Variants in GRIN2B observed in about 807,000 individuals in gnomAD.
GRIN2B encodes the protein glutamate receptor ionotropic, NMDA 2B.
In GRIN2B, 5 loss-of-function variants were observed where a neutral mutation model predicts 114.5. The ratio of observed to expected loss-of-function variants is 0.04; its 90% confidence interval spans 0.02 to 0.09. GRIN2B has a LOEUF of 0.09. Ranked by LOEUF, GRIN2B falls within the 10% of genes least tolerant of loss-of-function variation. The pLI is 1.00. For synonymous variants in GRIN2B, 787 were observed against 745.1 expected (o/e 1.06, Z -0.92); for missense variants, 1,108 against 1,943.5 (o/e 0.57, Z 8.08).
intron 2 of GRIN2B, among the ~76,000 whole-genome samples, chr12:13,905,914 GTTATTTCTGGTTCTGAGAGTCCAGC>G (rs1320024999): frequency 1.3e-5 from 2 of 152,134 alleles, no homozygotes; most frequent in African/African-American, 4.8e-5. Flanking sequence ...ATAATCACAG[GTTATTTCTGGTTCTGAGAGTCCAGC>G]TTAATATGGG....
chr12:13,955,602 G>T (rs530498777), intron 2 of GRIN2B, among the ~76,000 whole-genome samples: 1 of 152,256 alleles, frequency 6.6e-6, no homozygotes, highest in African/African-American at 2.4e-5. Context: ...GCTAAAGTCA[G>T]TTATGCATCC....
At chr12:13,568,068 G>C (rs566890952) in intron 12 of GRIN2B, among the ~76,000 whole-genome samples, 1 of 152,086 alleles carries the variant, frequency 6.6e-6, no homozygotes, top group Admixed American at 6.6e-5. Context: ...AGAAAATAAA[G>C]AGCAAAGAGG....
At chr12:13,643,119 A>G (rs1378440026) in intron 5 of GRIN2B, among the ~76,000 whole-genome samples, 1 of 152,318 alleles carries the variant, frequency 6.6e-6, no homozygotes, top group East Asian at 1.9e-4. Context: ...GGAAATGTGT[A>G]AATAATTTTC....
At chr12:13,579,935 G>A (rs1948824586) in intron 10 of GRIN2B, among the ~76,000 whole-genome samples, 1 of 152,194 alleles carries the variant, frequency 6.6e-6, no homozygotes, top group Non-Finnish European at 1.5e-5. Flanking sequence ...GGGTGGCGAT[G>A]GGGCGTTAAC....
At chr12:13,927,948 C>G (rs1412426598) in intron 2 of GRIN2B, among the ~76,000 whole-genome samples, 1 of 83,728 alleles carries the variant, frequency 1.2e-5, no homozygotes, top group Non-Finnish European at 2.3e-5. Context: ...GCCTGGGAAA[C>G]AGAGCAAGAC....
intron 2 of GRIN2B, among the ~76,000 whole-genome samples, chr12:13,882,289 G>T (rs1565573948): frequency 6.6e-6 from 1 of 152,182 alleles, no homozygotes; most frequent in Non-Finnish European, 1.5e-5. Context: ...TGGAACTCTG[G>T]CAGAGGACTA....
chr12:13,562,174 C>A lies in GRIN2B; in HGVS notation c.*609G>T, dbSNP rs1456611516. ...CTTTTGTTCTGTTCACCACCACTAT[C>A]GAGTCTCATGGGGTTGAAGCAAGCA... On this transcript the variant is annotated 3_prime_UTR_variant, in exon 14 of 14. Transcript: ENST00000609686. 1 of 153,780 alleles carries A rather than the reference C, an allele frequency of 6.5e-6. No individual in the cohort carries two copies. The highest frequency in any genetic ancestry group is 1.9e-4 in the East Asian group (1 of 5,196). The allele number at this position is 153,780 out of a possible 1,614,324, so 9.5% of individuals were successfully genotyped here. A position where few individuals can be genotyped will look rare whatever the true frequency, so the allele number is the denominator to read the frequency against.
At chr12:13,583,484 A>C (rs1482921935) in intron 10 of GRIN2B, among the ~76,000 whole-genome samples, 1 of 152,232 alleles carries the variant, frequency 6.6e-6, no homozygotes, top group East Asian at 1.9e-4. Context: ...TAACTGTAAA[A>C]CACACCACAG....
intron 5 of GRIN2B, among the ~76,000 whole-genome samples, chr12:13,627,846 G>A (rs984111839): frequency 3.3e-5 from 5 of 152,202 alleles, no homozygotes; most frequent in African/African-American, 1.2e-4. Context: ...GCCAGACCCT[G>A]CTGCTAGGTG....
chr12:13,979,065 C>T (rs1273988473), intron 2 of GRIN2B, among the ~76,000 whole-genome samples: 1 of 152,156 alleles, frequency 6.6e-6, no homozygotes, highest in Non-Finnish European at 1.5e-5. Context: ...CTTCCACATG[C>T]ACAGCATTTT....
Position 13,618,870 on chromosome 12 carries a change from G to GA in GRIN2B, c.1126-2214dup, listed in dbSNP as rs375284706. Among the ~76,000 whole-genome samples, 998 of 152,090 alleles carry GA rather than the reference G, an allele frequency of 6.6e-3. 11 individuals are homozygous for GA. The highest frequency in any genetic ancestry group is 0.022 in the African/African-American group (931 of 41,506). On this transcript the variant is annotated intron_variant, in intron 5 of 13. Coordinates refer to ENST00000609686, the MANE Select transcript of GRIN2B (RefSeq NM_000834.5). Reference sequence around the variant, plus strand: ...TCTAATAGACTTACTATATCTGTGGGAAAAAATGCTACAGACATAACATTT... The same window carrying GA: ...TCTAATAGACTTACTATATCTGTGGGAAAAAAATGCTACAGACATAACATTT...
At chr12:13,953,662 T>C (rs1867536583) in intron 2 of GRIN2B, among the ~76,000 whole-genome samples, 1 of 152,080 alleles carries the variant, frequency 6.6e-6, no homozygotes, top group Non-Finnish European at 1.5e-5. Context: ...GTCAGCATCT[T>C]CCCAGGAGCT....
intron 2 of GRIN2B, among the ~76,000 whole-genome samples, chr12:13,965,975 T>C (rs1867784582): frequency 6.6e-6 from 1 of 152,212 alleles, no homozygotes; most frequent in Non-Finnish European, 1.5e-5. Context: ...CTTTCTCATC[T>C]AGGAGAGCAA....
intron 3 of GRIN2B, among the ~76,000 whole-genome samples, chr12:13,783,500 T>G (rs911375095): frequency 7.0e-6 from 1 of 142,610 alleles, no homozygotes; most frequent in Non-Finnish European, 1.5e-5. Context: ...CCACCTTTGT[T>G]CCAAGCAATA....
rs187762551 is a variant in GRIN2B, at chr12:13,546,467, A to T, written c.*16316T>A. On this transcript the variant is annotated 3_prime_UTR_variant, in exon 14 of 14. Coordinates refer to ENST00000609686, the MANE Select transcript of GRIN2B (RefSeq NM_000834.5). ...AATCTCTGAGGGAATACACCAGAGC[A>T]TCTGGATGTGGGTGTCATCGTCTCT... The T allele has an allele frequency of 7.9e-5, 12 of 152,354 alleles. No individual in the cohort carries two copies. In the East Asian group the frequency reaches 2.3e-3, roughly 29 times the overall value. 9.4% of individuals were successfully genotyped at this position (152,354 alleles called of 1,614,324 possible).
At chr12:13,751,604 T>G (rs1863484832) in intron 4 of GRIN2B, among the ~76,000 whole-genome samples, 1 of 152,050 alleles carries the variant, frequency 6.6e-6, no homozygotes, top group African/African-American at 2.4e-5. Flanking sequence ...AATACATCAT[T>G]GACAGGCAGT....
chr12:13,805,382 A>C (rs930438595), intron 3 of GRIN2B, among the ~76,000 whole-genome samples: 5 of 152,184 alleles, frequency 3.3e-5, no homozygotes, highest in African/African-American at 1.2e-4. Flanking sequence ...AAAAGCCTGA[A>C]GGTCAAAATT....
chr12:13,839,183 C>T (rs1027089532), intron 3 of GRIN2B, among the ~76,000 whole-genome samples: 1 of 152,152 alleles, frequency 6.6e-6, no homozygotes, highest in Admixed American at 6.5e-5. Flanking sequence ...GCAAAGAATC[C>T]GTCATCTCTA....
intron 3 of GRIN2B, among the ~76,000 whole-genome samples, chr12:13,821,853 G>A (rs970270400): frequency 1.2e-4 from 18 of 152,106 alleles, no homozygotes; most frequent in African/African-American, 3.6e-4. Flanking sequence ...AACTTAAAGC[G>A]AAGAAAATAT....
Sources: gnomAD v4.1 joint callset for allele counts (sites outside exome capture counted in the v4.1 genomes callset) on GRCh38, gnomAD v4.1.1 for gene constraint, MANE v1.5 for transcripts, NCBI Gene and HGNC (gene_info 2026-07-23, HGNC 2026-07-21) for gene names.